Variants in SYNPO2 observed in about 807,000 individuals in gnomAD.
SYNPO2 encodes the protein synaptopodin-2.
SYNPO2 carries 56 observed loss-of-function variants against 85.0 expected under a neutral mutation model. The ratio of observed to expected loss-of-function variants is 0.66; its 90% confidence interval spans 0.53 to 0.82. The LOEUF (loss-of-function observed/expected upper bound fraction) is 0.82. Among genes scored for constraint, SYNPO2 ranks in the 40% least tolerant of loss-of-function variants. The pLI, the probability that SYNPO2 is intolerant of heterozygous loss-of-function variation, is 0.00. For missense variants in SYNPO2, 1,575 were observed against 1,534.2 expected, an observed-to-expected ratio of 1.03 and a Z score of -0.44; for synonymous variants, 602 against 591.1, an observed-to-expected ratio of 1.02 and a Z score of -0.27.
upstream of SYNPO2, among the ~76,000 whole-genome samples, chr4:118,884,627 C>T (rs939830810): frequency 1.5e-4 from 23 of 152,228 alleles, no homozygotes; most frequent in Non-Finnish European, 1.5e-5. Context: ...ACCTATTCCA[C>T]ACGGTCTCTA....
chr4:118,888,336 T>A (rs1391067724), upstream of SYNPO2, among the ~76,000 whole-genome samples: 1 of 152,234 alleles, frequency 6.6e-6, no homozygotes, highest in African/African-American at 2.4e-5. Flanking sequence ...AAGGTACTTT[T>A]CAGAGCTGGA....
intron 1 of SYNPO2, among the ~76,000 whole-genome samples, chr4:118,959,979 G>A (rs1735018643): frequency 6.6e-6 from 1 of 152,146 alleles, no homozygotes; most frequent in African/African-American, 2.4e-5. Flanking sequence ...ATCCAGGTGG[G>A]TTCTATCCTT....
At chr4:119,035,517 A>G in intron 4 of SYNPO2, 1 of 985,422 alleles carries the variant, frequency 1.0e-6, no homozygotes, top group African/African-American at 1.7e-5. Flanking sequence ...TGTAAGACAC[A>G]TTTGGGTTGT....
chr4:119,045,662 C>T (rs1409148398), intron 4 of SYNPO2, among the ~76,000 whole-genome samples: 1 of 152,112 alleles, frequency 6.6e-6, no homozygotes, highest in African/African-American at 2.4e-5. Flanking sequence ...GAGAGAACTT[C>T]AGAAAATATT....
chr4:118,990,408 T>C (rs535144522), intron 1 of SYNPO2, among the ~76,000 whole-genome samples: 2 of 152,184 alleles, frequency 1.3e-5, no homozygotes, highest in Non-Finnish European at 2.9e-5. Context: ...AAGTCCCTTA[T>C]TGAATTATTT....
chr4:118,900,701 CTCTA>C (rs1438650766), intron 1 of SYNPO2, among the ~76,000 whole-genome samples: 52 of 27,202 alleles, frequency 1.9e-3, no homozygotes, highest in South Asian at 4.4e-3. Context: ...CTCTCTCTCT[CTCTA>C]TATATATATA....
Position 118,879,909 on chromosome 4 carries a change from C to A in SYNPO2, c.12+28969C>A, listed in dbSNP as rs144833693. 3.0e-4 allele frequency among the ~76,000 whole-genome samples: 46 copies of A among 152,068 alleles called. 1 individual carries two copies. In the East Asian group the frequency reaches 3.1e-3, roughly 10 times the overall value. ...ACCGTTTGCCTCTGAGGCCTGTTGC[C>A]TGTCAGCAGCATGGAGGTCTGCACT... On this transcript the variant is annotated intron_variant, in intron 1 of 4. Transcript: ENST00000610556.
intron 4 of SYNPO2, among the ~76,000 whole-genome samples, chr4:119,045,451 A>C (rs751017966): frequency 6.6e-6 from 1 of 152,170 alleles, no homozygotes; most frequent in Admixed American, 6.5e-5. Flanking sequence ...ACCCTGTCTC[A>C]AAAAAACAAA....
chr4:118,910,394 A>C (rs1359762549), intron 1 of SYNPO2, among the ~76,000 whole-genome samples: 1 of 152,202 alleles, frequency 6.6e-6, no homozygotes, highest in Admixed American at 6.5e-5. Flanking sequence ...CTCATATCTG[A>C]AGGAGGTGCG....
intron 4 of SYNPO2, among the ~76,000 whole-genome samples, chr4:119,038,737 A>G (rs1437248967): frequency 6.6e-6 from 1 of 152,224 alleles, no homozygotes; most frequent in Admixed American, 6.5e-5. Context: ...CTGGAATCTT[A>G]GAGTGTCACG....
intron 1 of SYNPO2, among the ~76,000 whole-genome samples, chr4:118,950,083 A>C (rs1689004782): frequency 7.6e-6 from 1 of 131,718 alleles, no homozygotes; most frequent in South Asian, 2.4e-4. Context: ...TGTTAAAAGA[A>C]ATCACAATAG....
intron 1 of SYNPO2, among the ~76,000 whole-genome samples, chr4:119,011,909 C>G (rs1190686682): frequency 1.4e-5 from 2 of 142,884 alleles, no homozygotes; most frequent in Admixed American, 1.5e-4. Context: ...CCTTCCTCTC[C>G]TTTCTATAGA....
At chr4:119,010,199 A>G (rs1008501321) in intron 1 of SYNPO2, among the ~76,000 whole-genome samples, 1 of 152,188 alleles carries the variant, frequency 6.6e-6, no homozygotes, top group Admixed American at 6.5e-5. Context: ...GCCCCTCTGC[A>G]TGAGGCTAAC....
intron 1 of SYNPO2, among the ~76,000 whole-genome samples, chr4:119,007,267 T>TATGTATATAC (rs1737106361): frequency 2.7e-5 from 2 of 74,030 alleles, no homozygotes; most frequent in East Asian, 4.4e-4. Flanking sequence ...TATATATATA[T>TATGTATATAC]ATATATATGT....
chr4:119,049,984 T>A (rs984241693), intron 4 of SYNPO2, among the ~76,000 whole-genome samples: 1 of 152,138 alleles, frequency 6.6e-6, no homozygotes, highest in Non-Finnish European at 1.5e-5. Flanking sequence ...TTCCAAAATT[T>A]CTAAGATCTT....
chr4:119,007,232 ATATATATATATATG>A (rs1560971882), intron 1 of SYNPO2, among the ~76,000 whole-genome samples: 18 of 49,646 alleles, frequency 3.6e-4, no homozygotes, highest in Admixed American at 2.4e-3. Context: ...ATATATATAT[ATATATATATATATG>A]TATATACATA....
intron 1 of SYNPO2, among the ~76,000 whole-genome samples, chr4:118,971,633 G>T (rs1735544654): frequency 6.6e-6 from 1 of 152,254 alleles, no homozygotes; most frequent in South Asian, 2.1e-4. Flanking sequence ...AGCTGGGCCT[G>T]CTAGGGCAGG....
At chr4:118,938,450 G>A (rs1734188837) in intron 1 of SYNPO2, among the ~76,000 whole-genome samples, 2 of 152,122 alleles carry the variant, frequency 1.3e-5, no homozygotes, top group African/African-American at 4.8e-5. Context: ...ATCCATGGAT[G>A]CAGAAACTGT....
chr4:119,038,034 A>T, intron 4 of SYNPO2: 1 of 639,548 alleles, frequency 1.6e-6, no homozygotes, highest in Non-Finnish European at 1.9e-6. Context: ...CAGAGAAGCT[A>T]AACAACTTGT....
Sources: allele counts gnomAD v4.1 joint callset (sites outside exome capture counted in the v4.1 genomes callset), GRCh38; gene constraint gnomAD v4.1.1; transcripts MANE v1.5; gene names NCBI Gene and HGNC (gene_info 2026-07-23, HGNC 2026-07-21).